The following ARHGAP6 variants were observed in gnomAD, a reference collection of about 807,000 sequenced individuals.
The protein encoded by ARHGAP6 is rho GTPase-activating protein 6.
Under a neutral mutation model 55.7 loss-of-function variants are expected in ARHGAP6, and 16 were observed. The ratio of observed to expected loss-of-function variants is 0.29; its 90% CI spans 0.19 to 0.44. ARHGAP6 has a LOEUF of 0.44. Ranked by LOEUF, ARHGAP6 falls within the 20% of genes least tolerant of loss-of-function variation. ARHGAP6 has a pLI of 1.00. For synonymous variants in ARHGAP6, 382 were observed against 360.9 expected (o/e 1.06, Z -0.66); for missense variants, 698 against 808.9 (o/e 0.86, Z 1.66).
intron 1 of ARHGAP6, among the ~76,000 whole-genome samples, chrX:11,505,966 G>C (rs1439482937): frequency 9.0e-6 from 1 of 111,063 alleles, no homozygotes; most frequent in Non-Finnish European, 1.9e-5. Flanking sequence ...TGATGGAATA[G>C]TCTGTACAAC....
chrX:11,457,430 A>G (rs1359100213), intron 1 of ARHGAP6, among the ~76,000 whole-genome samples: 2 of 111,178 alleles, frequency 1.8e-5, no homozygotes, highest in Non-Finnish European at 3.8e-5. Flanking sequence ...CCTAAGGAAG[A>G]CATTCTCTTC....
chrX:11,174,981 G>A (rs1035361589), intron 8 of ARHGAP6, among the ~76,000 whole-genome samples: 3 of 110,063 alleles, frequency 2.7e-5, no homozygotes, highest in Non-Finnish European at 3.8e-5. Flanking sequence ...GTGAGCCACC[G>A]CGCCTGGCCC....
chrX:11,261,999 T>C (rs757471363), intron 1 of ARHGAP6, among the ~76,000 whole-genome samples: 12 of 111,965 alleles, frequency 1.1e-4, no homozygotes, highest in Non-Finnish European at 1.1e-4. Context: ...TTACATATAA[T>C]CTCCTTAAAA....
At chrX:11,328,326 T>C (rs1172989354) in intron 1 of ARHGAP6, among the ~76,000 whole-genome samples, 2 of 112,007 alleles carry the variant, frequency 1.8e-5, no homozygotes, top group African/African-American at 6.5e-5. Context: ...GGAACATTAA[T>C]GAAGTCATGC....
chrX:11,148,634 A>G (rs1342195486), intron 10 of ARHGAP6: 1 of 372,821 alleles, frequency 2.7e-6, no homozygotes, highest in Admixed American at 2.5e-5. Flanking sequence ...TCTCACCCTT[A>G]GCTGGTCCCT....
chrX:11,213,002 G>A (rs1261547824), intron 2 of ARHGAP6, among the ~76,000 whole-genome samples: 1 of 112,286 alleles, frequency 8.9e-6, no homozygotes, highest in Non-Finnish European at 1.9e-5. Flanking sequence ...GCATGCCCAT[G>A]GTAGCTGAGG....
chrX:11,286,508 T>C (rs2047923519), intron 1 of ARHGAP6, among the ~76,000 whole-genome samples: 1 of 111,398 alleles, frequency 9.0e-6, no homozygotes, highest in Non-Finnish European at 1.9e-5. Flanking sequence ...AACAGCACCC[T>C]GGGTCCAGGC....
intron 1 of ARHGAP6, among the ~76,000 whole-genome samples, chrX:11,458,842 A>G (rs1275429744): frequency 4.5e-5 from 5 of 111,274 alleles, no homozygotes; most frequent in African/African-American, 1.6e-4. Context: ...TAAATATAAT[A>G]TATAAGTAAA....
intron 1 of ARHGAP6, among the ~76,000 whole-genome samples, chrX:11,657,854 T>A (rs2052656114): frequency 9.0e-6 from 1 of 111,268 alleles, no homozygotes; most frequent in African/African-American, 3.3e-5. Flanking sequence ...ATTCTCTGTG[T>A]GTGATGGGGA....
At chrX:11,664,199 G>A (rs772651980) in intron 1 of ARHGAP6, 42 bp downstream of exon 1, 1 of 1,130,897 alleles carries the variant, frequency 8.8e-7, no homozygotes, top group Non-Finnish European at 1.2e-6. Flanking sequence ...CTGCCTGGGG[G>A]CCTCCTCCTT....
intron 1 of ARHGAP6, among the ~76,000 whole-genome samples, chrX:11,605,063 G>C (rs1372518271): frequency 9.0e-6 from 1 of 111,700 alleles, no homozygotes; most frequent in African/African-American, 3.3e-5. Flanking sequence ...CACTACAGTT[G>C]GTATCTACTG....
chrX:11,457,916 G>C (rs1006004871), intron 1 of ARHGAP6, among the ~76,000 whole-genome samples: 1 of 111,713 alleles, frequency 9.0e-6, no homozygotes, highest in Non-Finnish European at 1.9e-5. Flanking sequence ...TTCTCACTGT[G>C]TTCCTGCAGT....
chrX:11,662,296 A>G (rs752323750), intron 1 of ARHGAP6, among the ~76,000 whole-genome samples: 86 of 111,997 alleles, frequency 7.7e-4, no homozygotes, highest in Non-Finnish European at 1.4e-3. Flanking sequence ...TTAGAGATCC[A>G]AGGGTTATGT....
intron 3 of ARHGAP6, among the ~76,000 whole-genome samples, chrX:11,191,864 C>T (rs2046466210): frequency 8.9e-6 from 1 of 111,870 alleles, no homozygotes; most frequent in Non-Finnish European, 1.9e-5. Context: ...CCTGGATATA[C>T]TAACTGGGTT....
intron 1 of ARHGAP6, among the ~76,000 whole-genome samples, chrX:11,637,719 A>T (rs1277178835): frequency 9.1e-6 from 1 of 110,180 alleles, no homozygotes; most frequent in Non-Finnish European, 1.9e-5. Flanking sequence ...TTTTTCAGTA[A>T]TTGATTTTAT....
chrX:11,362,659 A>G (rs1331746502), intron 1 of ARHGAP6, among the ~76,000 whole-genome samples: 2 of 101,348 alleles, frequency 2.0e-5, no homozygotes, highest in African/African-American at 8.0e-5. Context: ...GTATAATAAT[A>G]ATAATAATAA....
At chrX:11,237,828 C>T (rs2047222875) in intron 2 of ARHGAP6, among the ~76,000 whole-genome samples, 1 of 111,683 alleles carries the variant, frequency 9.0e-6, no homozygotes, top group African/African-American at 3.3e-5. Flanking sequence ...GGGAAGTGGC[C>T]CTTTAGAAAC....
intron 1 of ARHGAP6, among the ~76,000 whole-genome samples, chrX:11,384,955 T>C (rs2049310555): frequency 8.9e-6 from 1 of 111,828 alleles, no homozygotes; most frequent in Admixed American, 9.5e-5. Context: ...AATCAGGCAA[T>C]AAAAAGTTGT....
chrX:11,522,036 T>A (rs1304576873), intron 1 of ARHGAP6, among the ~76,000 whole-genome samples: 3 of 111,742 alleles, frequency 2.7e-5, no homozygotes, highest in African/African-American at 6.5e-5. Flanking sequence ...TGAAGTTGCT[T>A]ATCAGCTGAA....
Sources: gnomAD v4.1 joint callset for allele counts (sites outside exome capture counted in the v4.1 genomes callset) on GRCh38, gnomAD v4.1.1 for gene constraint, MANE v1.5 for transcripts, NCBI Gene and HGNC (gene_info 2026-07-23, HGNC 2026-07-21) for gene names.